The following ITCH variants were observed in gnomAD, a reference collection of about 807,000 sequenced individuals.
ITCH encodes itchy E3 ubiquitin protein ligase, also known as E3 ubiquitin-protein ligase Itchy homolog.
ITCH carries 28 observed loss-of-function variants against 126.8 expected under a neutral mutation model. The observed-to-expected ratio is 0.22, with a 90% CI of 0.16 to 0.30. The LOEUF is 0.30. Among genes scored for constraint, ITCH ranks in the 10% least tolerant of loss-of-function variants. ITCH has a pLI of 1.00. For synonymous variants in ITCH, 342 were observed against 340.0 expected, an observed-to-expected ratio of 1.01 and a Z score of -0.06; for missense variants, 631 against 1,032.4, an observed-to-expected ratio of 0.61 and a Z score of 5.33.
chr20:34,495,316 T>TATAC (rs796826383), intron 23 of ITCH, among the ~76,000 whole-genome samples: 35 of 132,274 alleles, frequency 2.6e-4, no homozygotes, highest in East Asian at 8.7e-4. Context: ...TATATATATA[T>TATAC]ACACACGCAC....
chr20:34,383,362 ATTTTTTTT>A, intron 2 of ITCH, among the ~76,000 whole-genome samples: 1 of 109,478 alleles, frequency 9.1e-6, no homozygotes, highest in Middle Eastern at 5.2e-3. Context: ...GGCTTGATAG[ATTTTTTTT>A]TTTTTTTTTT....
intron 16 of ITCH, among the ~76,000 whole-genome samples, chr20:34,472,588 A>G (rs1261083589): frequency 6.6e-6 from 1 of 152,224 alleles, no homozygotes; most frequent in African/African-American, 2.4e-5. Flanking sequence ...CACCAGTGGT[A>G]TTGTAGCAAC....
intron 2 of ITCH, among the ~76,000 whole-genome samples, chr20:34,370,418 G>A (rs1382701860): frequency 6.6e-6 from 1 of 151,992 alleles, no homozygotes; most frequent in Non-Finnish European, 1.5e-5. Flanking sequence ...CCAGCACTTT[G>A]TTTGGGAGGC....
intron 13 of ITCH, 33 bp from the exon 14 acceptor site, chr20:34,462,059 TA>T (rs1192797596): frequency 1.2e-6 from 2 of 1,607,732 alleles, no homozygotes; most frequent in Non-Finnish European, 8.5e-7. Flanking sequence ...AACTCTTTAA[TA>T]TTTTTGTTTA....
chr20:34,451,031 T>C (rs992363497), intron 12 of ITCH: 4 of 152,254 alleles, frequency 2.6e-5, no homozygotes, highest in East Asian at 3.8e-4. Flanking sequence ...CTTACACTTA[T>C]AATCCTAACA....
intron 23 of ITCH, among the ~76,000 whole-genome samples, chr20:34,495,878 C>A (rs1989842821): frequency 7.3e-6 from 1 of 137,592 alleles, no homozygotes; most frequent in Non-Finnish European, 1.5e-5. Flanking sequence ...AGTTTGAGAT[C>A]AGCCTGGTCA....
At chr20:34,464,283 C>A (rs1415897364) in intron 14 of ITCH, among the ~76,000 whole-genome samples, 1 of 150,868 alleles carries the variant, frequency 6.6e-6, no homozygotes, top group Non-Finnish European at 1.5e-5. Context: ...CCACCGTGCC[C>A]GGCCTGTTTT....
chr20:34,471,796 T>TGTGTGTGTGTGTGTG (rs58040161), intron 16 of ITCH, among the ~76,000 whole-genome samples: 2 of 150,174 alleles, frequency 1.3e-5, no homozygotes, highest in African/African-American at 5.0e-5. Flanking sequence ...TGTGTGTGTG[T>TGTGTGTGTGTGTGTG]TTCAGGTTTC....
At chr20:34,489,752 AGTCTTTCCT>A in intron 21 of ITCH, 61 bp from the exon 22 acceptor site, 1 of 984,714 alleles carries the variant, frequency 1.0e-6, no homozygotes, top group Non-Finnish European at 1.6e-6. Context: ...GCTTAATCTT[AGTCTTTCCT>A]ATGTCCAGCT....
At position 34,495,314 on chromosome 20, in the gene ITCH, T is replaced by C. The variant is rs6142184; in HGVS notation, c.2416+2717T>C. On this transcript the variant is annotated intron_variant, in intron 23 of 24. Coordinates refer to ENST00000374864, the MANE Select transcript of ITCH (RefSeq NM_031483.7). ...AATAAAATATATATATATATATATATATACACACGCACACACACACACGGT... is the reference window on the plus strand; with the variant it reads ...AATAAAATATATATATATATATATACATACACACGCACACACACACACGGT... 2.6e-3 allele frequency among the ~76,000 whole-genome samples: 201 copies of C among 76,398 alleles called. 5 individuals carry two copies. In the South Asian group the frequency reaches 0.053, roughly 20 times the overall value. 50.1% of individuals were successfully genotyped at this position (76,398 alleles called of 152,430 possible).
chr20:34,507,288 TTGG>T (rs1379776108), intron 24 of ITCH, among the ~76,000 whole-genome samples: 9 of 80,742 alleles, frequency 1.1e-4, no homozygotes, highest in African/African-American at 2.8e-4. Flanking sequence ...TTTTTTTTTT[TTGG>T]TTGTTGTTGT....
intron 4 of ITCH, among the ~76,000 whole-genome samples, chr20:34,410,293 G>A (rs1021093467): frequency 6.6e-6 from 1 of 151,850 alleles, no homozygotes; most frequent in Non-Finnish European, 1.5e-5. Context: ...GGTTGAACCT[G>A]GTAGGCGGAG....
chr20:34,490,705 G>T (rs1024546599), intron 22 of ITCH, among the ~76,000 whole-genome samples: 2 of 152,156 alleles, frequency 1.3e-5, no homozygotes, highest in Non-Finnish European at 2.9e-5. Flanking sequence ...AAGTGGAGAA[G>T]AACAACCATT....
chr20:34,486,226 C>A (rs1989101104), intron 20 of ITCH, among the ~76,000 whole-genome samples: 1 of 151,770 alleles, frequency 6.6e-6, no homozygotes, highest in Admixed American at 6.6e-5. Context: ...ACTATGTTAC[C>A]CAGGCTGGTC....
At chr20:34,381,656 T>A (rs1042893083) in intron 2 of ITCH, among the ~76,000 whole-genome samples, 5 of 151,978 alleles carry the variant, frequency 3.3e-5, no homozygotes, top group Admixed American at 6.6e-5. Context: ...TCAAACTCCT[T>A]GCCTCGTGAT....
chr20:34,380,077 T>A (rs1220631070), intron 2 of ITCH, among the ~76,000 whole-genome samples: 3 of 152,036 alleles, frequency 2.0e-5, no homozygotes, highest in African/African-American at 7.2e-5. Context: ...TTGTATTTTT[T>A]AATAGAGACA....
At chr20:34,485,967 A>G (rs1038169577) in intron 20 of ITCH, among the ~76,000 whole-genome samples, 1 of 152,146 alleles carries the variant, frequency 6.6e-6, no homozygotes, top group South Asian at 2.1e-4. Flanking sequence ...AAGGATTTAA[A>G]GCTGCATATT....
At position 34,477,754 on chromosome 20, in the gene ITCH, T is replaced by C. The variant is rs1372116164; in HGVS notation, c.1570-18T>C. ...CAATAGCTTTTTTCACCAATTATTTTACTTTATTTTTTTTTAGATAATGAG... is the reference window on the plus strand; with the variant it reads ...CAATAGCTTTTTTCACCAATTATTTCACTTTATTTTTTTTTAGATAATGAG... On this transcript the variant is annotated intron_variant, in intron 16 of 24. Coordinates refer to ENST00000374864, the MANE Select transcript of ITCH (RefSeq NM_031483.7). 4.3e-6 allele frequency: 7 copies of C among 1,611,670 alleles called. No homozygotes were observed. The highest frequency in any genetic ancestry group is 1.3e-5 in the African/African-American group (1 of 74,834).
intron 7 of ITCH, among the ~76,000 whole-genome samples, chr20:34,435,697 A>G (rs907327733): frequency 6.6e-6 from 1 of 152,190 alleles, no homozygotes; most frequent in African/African-American, 2.4e-5. Context: ...CTGAGAGAAT[A>G]GTAGTGTAAA....
Sources: gnomAD v4.1 joint callset for allele counts (sites outside exome capture counted in the v4.1 genomes callset) on GRCh38, gnomAD v4.1.1 for gene constraint, MANE v1.5 for transcripts, NCBI Gene and HGNC (gene_info 2026-07-23, HGNC 2026-07-21) for gene names.